The following VPS13B variants were observed in gnomAD, a reference collection of about 807,000 sequenced individuals.
VPS13B encodes vacuolar protein sorting 13 homolog B, also known as intermembrane lipid transfer protein VPS13B.
In VPS13B, 285 loss-of-function variants were observed where a neutral mutation model predicts 426.4. The ratio of observed to expected loss-of-function variants is 0.67; its 90% CI spans 0.61 to 0.74. The LOEUF (loss-of-function observed/expected upper bound fraction) is 0.74. VPS13B is among the 30% of genes least tolerant of loss of function. The pLI is 0.00. For synonymous variants in VPS13B, 1,676 were observed against 1,676.4 expected, an observed-to-expected ratio of 1.00 and a Z score of 0.01; for missense variants, 4,537 against 4,782.6, an observed-to-expected ratio of 0.95 and a Z score of 1.51.
chr8:99,791,790 A>G (rs1812550172), intron 43 of VPS13B, among the ~76,000 whole-genome samples: 1 of 148,708 alleles, frequency 6.7e-6, no homozygotes, highest in African/African-American at 2.5e-5. Flanking sequence ...TTTGGAGGGG[A>G]GTCAAAATTT....
At chr8:99,511,971 G>A (rs1821813161) in intron 29 of VPS13B, among the ~76,000 whole-genome samples, 1 of 152,152 alleles carries the variant, frequency 6.6e-6, no homozygotes, top group Non-Finnish European at 1.5e-5. Context: ...GACCCCATCT[G>A]TACAGAAATA....
intron 8 of VPS13B, among the ~76,000 whole-genome samples, chr8:99,128,374 A>G (rs1409290813): frequency 3.1e-5 from 4 of 128,158 alleles, no homozygotes; most frequent in Admixed American, 1.7e-4. Context: ...GTGACAGAGC[A>G]AGATACTGTC....
chr8:99,717,474 A>G (rs1412176506), intron 37 of VPS13B, 101 bp downstream of exon 37: 1 of 1,120,786 alleles, frequency 8.9e-7, no homozygotes, highest in African/African-American at 1.6e-5. Flanking sequence ...GTGGTAAGAA[A>G]GGGTATTTGT....
At chr8:99,394,819 C>A (rs1416497617) in intron 21 of VPS13B, among the ~76,000 whole-genome samples, 1 of 152,022 alleles carries the variant, frequency 6.6e-6, no homozygotes, top group African/African-American at 2.4e-5. Context: ...TAATAGAAGC[C>A]TTTTAAATTT....
intron 19 of VPS13B, among the ~76,000 whole-genome samples, chr8:99,353,574 A>G (rs2133217358): frequency 1.3e-5 from 2 of 151,076 alleles, no homozygotes; most frequent in East Asian, 2.0e-4. Context: ...GAGGAGATAC[A>G]TTCTTACTAG....
chr8:99,358,384 A>C (rs1240738566), intron 19 of VPS13B, among the ~76,000 whole-genome samples: 1 of 152,172 alleles, frequency 6.6e-6, no homozygotes, highest in African/African-American at 2.4e-5. Context: ...TTGGTAAAGG[A>C]GTCTTGATTT....
intron 34 of VPS13B, among the ~76,000 whole-genome samples, chr8:99,649,664 A>C (rs531956247): frequency 3.2e-4 from 48 of 151,854 alleles, no homozygotes; most frequent in African/African-American, 1.2e-3. Flanking sequence ...ACACACACAC[A>C]TTGGATATTG....
In VPS13B at chr8:99,577,582, G is replaced by A; in HGVS notation, c.5169G>A (p.Gln1723=). ...TGGCTCAAGTTCAACTCTTACATCA[G>A]TTAATAGTAGCAAATATGACTGGAC... ...LSVAQVQLLH[Q]LIVANMTGLE... Residue 1723 remains glutamine, a synonymous_variant, in exon 33 of 62, where the codon CAG becomes CAA. Transcript: ENST00000357162. 1 of 1,613,836 alleles carries A rather than the reference G, an allele frequency of 6.2e-7. No homozygotes were observed. Among genetic ancestry groups the A allele is most frequent in the Non-Finnish European group, 8.5e-7 (1 of 1,179,768 alleles).
intron 16 of VPS13B, among the ~76,000 whole-genome samples, chr8:99,187,842 C>T (rs1161797122): frequency 6.6e-6 from 1 of 150,862 alleles, no homozygotes; most frequent in African/African-American, 2.5e-5. Flanking sequence ...CTGGTATGCA[C>T]CCATTGTCCC....
intron 19 of VPS13B, among the ~76,000 whole-genome samples, chr8:99,297,422 ATTTTC>A (rs1328400238): frequency 1.3e-5 from 2 of 152,136 alleles, no homozygotes; most frequent in Admixed American, 1.3e-4. Context: ...CTTGTCAGCT[ATTTTC>A]TTATTAAAAT....
intron 35 of VPS13B, chr8:99,696,356 G>A (rs955061761): frequency 8.5e-5 from 25 of 295,064 alleles, no homozygotes; most frequent in African/African-American, 5.5e-4. Flanking sequence ...AAGCGCTACT[G>A]CCTTGGCTTC....
chr8:99,782,531 G>A (rs922632315), intron 42 of VPS13B, among the ~76,000 whole-genome samples: 5 of 151,804 alleles, frequency 3.3e-5, no homozygotes, highest in Admixed American at 1.3e-4. Context: ...CTTAAAACAG[G>A]AATCTGGAAG....
chr8:99,136,776 G>A (rs1042019711), intron 12 of VPS13B, 24 bp downstream of exon 12: 2 of 1,609,488 alleles, frequency 1.2e-6, no homozygotes, highest in African/African-American at 1.3e-5. Flanking sequence ...TCCTTTATGT[G>A]TGCCATTTCT....
At chr8:99,233,944 G>A in intron 17 of VPS13B, 1 of 793,262 alleles carries the variant, frequency 1.3e-6, no homozygotes, top group Non-Finnish European at 2.3e-6. Context: ...CAGCTCCAGA[G>A]TTCTCTTTTC....
intron 3 of VPS13B, among the ~76,000 whole-genome samples, chr8:99,039,557 T>C (rs1289778877): frequency 6.6e-6 from 1 of 151,822 alleles, no homozygotes; most frequent in Non-Finnish European, 1.5e-5. Flanking sequence ...TTTTTTTTTT[T>C]TTTAGCACCC....
chr8:99,778,092 C>G (rs1010645053), intron 41 of VPS13B, among the ~76,000 whole-genome samples: 3 of 151,804 alleles, frequency 2.0e-5, no homozygotes, highest in Non-Finnish European at 4.4e-5. Flanking sequence ...ATTAGCTGGG[C>G]GTGGTGGCAG....
In VPS13B at chr8:99,861,962, G is replaced by C; in HGVS notation, c.11215+16G>C. On this transcript the variant is annotated intron_variant, in intron 58 of 61. Transcript: ENST00000357162. Reference sequence around the variant, plus strand: ...AGCCTGCTTGGTAAGGGGCTGCGGGGCCTCCCACCTGTCTGTACTCCAGCA... The same window carrying C: ...AGCCTGCTTGGTAAGGGGCTGCGGGCCCTCCCACCTGTCTGTACTCCAGCA... 1 of 1,571,394 alleles carries C rather than the reference G, an allele frequency of 6.4e-7. No homozygotes were observed. Among genetic ancestry groups the C allele is most frequent in the Non-Finnish European group, 8.6e-7 (1 of 1,161,792 alleles).
rs2130858010 is a variant in VPS13B, at chr8:99,832,426, G to A, written c.9388G>A (p.Ala3130Thr). The change falls in exon 52 of 62, where the codon GCT becomes ACT. Residue 3130 changes from alanine (A) to threonine (T), a missense_variant. Transcript: ENST00000357162. ...CATTTGCCCAGGTGGAGAGCAGCCT[G>A]CTATGAAATCCAGCTCCCTTCCTTG... ...FSICPGGEQP[A>T]MKSSSLPCWD... 2.5e-6 allele frequency: 4 copies of A among 1,577,606 alleles called. No individual in the cohort carries two copies. Among genetic ancestry groups the A allele is most frequent in the Middle Eastern group, 1.8e-4 (1 of 5,532 alleles).
At chr8:99,139,434 CTTTTT>C (rs368548690) in intron 12 of VPS13B, among the ~76,000 whole-genome samples, 1 of 135,674 alleles carries the variant, frequency 7.4e-6, no homozygotes. Context: ...TTGATATTTC[CTTTTT>C]TTTTTTTTTT....
Sources: gnomAD v4.1 joint callset for allele counts (sites outside exome capture counted in the v4.1 genomes callset) on GRCh38, gnomAD v4.1.1 for gene constraint, MANE v1.5 for transcripts, NCBI Gene and HGNC (gene_info 2026-07-23, HGNC 2026-07-21) for gene names.